Variants in ZNF804B observed in about 807,000 individuals in gnomAD.
ZNF804B encodes the protein zinc finger protein 804B.
Under a neutral mutation model 101.4 loss-of-function variants are expected in ZNF804B, and 80 were observed. The observed-to-expected ratio is 0.79, with a 90% CI of 0.66 to 0.95. The LOEUF (loss-of-function observed/expected upper bound fraction) is 0.95. ZNF804B is among the 40% of genes least tolerant of loss of function. ZNF804B has a pLI of 0.00. For missense variants in ZNF804B, 1,673 were observed against 1,561.9 expected, an observed-to-expected ratio of 1.07 and a Z score of -1.20; for synonymous variants, 622 against 558.8, an observed-to-expected ratio of 1.11 and a Z score of -1.59.
intron 1 of ZNF804B, among the ~76,000 whole-genome samples, chr7:88,817,826 C>T (rs1431442534): frequency 6.6e-6 from 1 of 152,152 alleles, no homozygotes; most frequent in Non-Finnish European, 1.5e-5. Context: ...AATTTCCCCC[C>T]CTGAACTGAA....
chr7:89,136,701 T>C (rs1335821148), intron 1 of ZNF804B, among the ~76,000 whole-genome samples: 2 of 151,738 alleles, frequency 1.3e-5, no homozygotes, highest in African/African-American at 4.8e-5. Flanking sequence ...CAGAATTTTT[T>C]CTTTTTAAGG....
intron 1 of ZNF804B, among the ~76,000 whole-genome samples, chr7:89,011,351 C>T (rs563595853): frequency 6.6e-6 from 1 of 152,284 alleles, no homozygotes; most frequent in African/African-American, 2.4e-5. Flanking sequence ...GCCCCTGGCA[C>T]CTTCCATATC....
At chr7:89,173,842 A>G (rs1414134439) in intron 1 of ZNF804B, among the ~76,000 whole-genome samples, 1 of 152,042 alleles carries the variant, frequency 6.6e-6, no homozygotes, top group African/African-American at 2.4e-5. Context: ...AGTGATTCTT[A>G]TGATGAAAAG....
At chr7:89,086,067 A>G (rs1789796303) in intron 1 of ZNF804B, among the ~76,000 whole-genome samples, 1 of 151,958 alleles carries the variant, frequency 6.6e-6, no homozygotes, top group Non-Finnish European at 1.5e-5. Context: ...TTGACTAAAT[A>G]GGAGATAGTT....
At chr7:88,810,169 T>A (rs2115732498) in intron 1 of ZNF804B, among the ~76,000 whole-genome samples, 1 of 152,236 alleles carries the variant, frequency 6.6e-6, no homozygotes, top group Non-Finnish European at 1.5e-5. Context: ...TTAACAGGTA[T>A]CCCTGATAAT....
intron 2 of ZNF804B, among the ~76,000 whole-genome samples, chr7:89,304,617 T>A (rs182250640): frequency 6.6e-6 from 1 of 152,044 alleles, no homozygotes; most frequent in Non-Finnish European, 1.5e-5. Flanking sequence ...TGAAGTTCAA[T>A]GTTGTTAAAG....
intron 1 of ZNF804B, among the ~76,000 whole-genome samples, chr7:89,051,648 T>C (rs1046489459): frequency 2.6e-5 from 4 of 152,196 alleles, no homozygotes; most frequent in African/African-American, 9.6e-5. Flanking sequence ...AATTTTATTT[T>C]GTCAATTATG....
chr7:89,330,462 T>C (rs555365386), intron 3 of ZNF804B, among the ~76,000 whole-genome samples: 1 of 151,782 alleles, frequency 6.6e-6, no homozygotes, highest in Admixed American at 6.6e-5. Context: ...ATTGTATACC[T>C]TGAATATATA....
At chr7:88,857,511 A>G (rs1417933683) in intron 1 of ZNF804B, among the ~76,000 whole-genome samples, 2 of 152,208 alleles carry the variant, frequency 1.3e-5, no homozygotes, top group Non-Finnish European at 2.9e-5. Context: ...TAGAAAATCT[A>G]GAAGAAATGG....
At chr7:88,963,829 CAAAT>C (rs1460832600) in intron 1 of ZNF804B, among the ~76,000 whole-genome samples, 9 of 151,046 alleles carry the variant, frequency 6.0e-5, no homozygotes, top group African/African-American at 7.3e-5. Context: ...TATGAACAAA[CAAAT>C]AAACAAAAAA....
chr7:88,897,452 G>A (rs993045068), intron 1 of ZNF804B, among the ~76,000 whole-genome samples: 2 of 152,154 alleles, frequency 1.3e-5, no homozygotes, highest in Admixed American at 1.3e-4. Flanking sequence ...CAGAAGGAAT[G>A]CAGTCTTGCT....
chr7:89,050,145 G>A (rs7795086), intron 1 of ZNF804B, among the ~76,000 whole-genome samples: 71,474 of 151,882 alleles, frequency 0.47, 17,402 homozygotes, highest in Non-Finnish European at 0.53. Context: ...ATTTAAAATC[G>A]TATTTCGGAA....
intron 1 of ZNF804B, among the ~76,000 whole-genome samples, chr7:89,119,346 G>A (rs1475788572): frequency 6.6e-6 from 1 of 152,138 alleles, no homozygotes; most frequent in African/African-American, 2.4e-5. Flanking sequence ...GAAGCCAAGG[G>A]AAAGGAAGTA....
intron 2 of ZNF804B, among the ~76,000 whole-genome samples, chr7:89,281,341 C>A (rs1790090970): frequency 6.6e-6 from 1 of 152,274 alleles, no homozygotes; most frequent in South Asian, 2.1e-4. Context: ...TTTTCATCAG[C>A]ATTTTCTCAA....
intron 1 of ZNF804B, among the ~76,000 whole-genome samples, chr7:89,040,788 C>T (rs930801008): frequency 2.0e-5 from 3 of 152,178 alleles, no homozygotes; most frequent in Non-Finnish European, 2.9e-5. Flanking sequence ...ATCAGTCAGC[C>T]TTTCCAGTTA....
chr7:89,168,892 G>A (rs62461942), intron 1 of ZNF804B, among the ~76,000 whole-genome samples: 30,629 of 151,894 alleles, frequency 0.2, 3,316 homozygotes, highest in Non-Finnish European at 0.22. Flanking sequence ...ATGGGGGCGG[G>A]CCACTCCCAA....
intron 2 of ZNF804B, among the ~76,000 whole-genome samples, chr7:89,229,312 A>G (rs1308760985): frequency 6.6e-6 from 1 of 152,208 alleles, no homozygotes; most frequent in Non-Finnish European, 1.5e-5. Flanking sequence ...AAAAAGACTC[A>G]ACTCTGAGAT....
At chr7:89,024,917 G>A (rs1405758510) in intron 1 of ZNF804B, among the ~76,000 whole-genome samples, 6 of 151,852 alleles carry the variant, frequency 4.0e-5, no homozygotes, top group African/African-American at 1.2e-4. Context: ...AAACAAAAAT[G>A]GTCCACATTT....
In ZNF804B at chr7:89,335,311, T is replaced by C. The variant is rs1444412908; in HGVS notation, c.2329T>C (p.Ser777Pro). ...DDITKSSQMQ[S>P]EPQKERNCKL... The stretch of plus-strand genomic sequence containing the variant: ...TATAACAAAGAGCAGCCAAATGCAG[T>C]CTGAACCACAGAAAGAGAGGAACTG... Residue 777 changes from serine (S) to proline (P), a missense_variant, in exon 4 of 4, where the codon TCT becomes CCT. By Grantham distance (74) the Ser-to-Pro change is moderately conservative. Transcript: ENST00000333190. 1 of 1,613,648 alleles carries C rather than the reference T, an allele frequency of 6.2e-7. No individual in the cohort carries two copies. The highest frequency in any genetic ancestry group is 2.2e-5 in the East Asian group (1 of 44,844).
Sources: allele counts gnomAD v4.1 joint callset (sites outside exome capture counted in the v4.1 genomes callset), GRCh38; gene constraint gnomAD v4.1.1; transcripts MANE v1.5; gene names NCBI Gene and HGNC (gene_info 2026-07-23, HGNC 2026-07-21).